Variants in CHST6 observed in about 807,000 individuals in gnomAD.
The protein encoded by CHST6 is carbohydrate sulfotransferase 6, also known as N-acetylglucosamine 6-O-sulfotransferase 5.
For synonymous variants in CHST6, 309 were observed against 276.4 expected, an observed-to-expected ratio of 1.12 and a Z score of -1.17; for missense variants, 698 against 586.2, an observed-to-expected ratio of 1.19 and a Z score of -1.97.
chr16:75,481,907 G>A lies in CHST6; in HGVS notation c.-91-16C>T. 2.1e-6 allele frequency: 1 copy of A among 468,702 alleles called. No homozygotes were observed. The highest frequency in any genetic ancestry group is 4.4e-6 in the Non-Finnish European group (1 of 229,440). 29.0% of individuals were successfully genotyped at this position (468,702 alleles called of 1,614,324 possible). ...TCCTCAGCACCTGGTAAAGCAGGAG[G>A]GCGATGGAGTCACACTCTACAGGGG... On this transcript the variant is annotated splice_polypyrimidine_tract_variant and intron_variant, in intron 1 of 2. Coordinates refer to ENST00000332272, the MANE Select transcript of CHST6 (RefSeq NM_021615.5).
At chr16:75,485,408 G>A (rs1350531004) in intron 1 of CHST6, among the ~76,000 whole-genome samples, 2 of 152,176 alleles carry the variant, frequency 1.3e-5, no homozygotes, top group African/African-American at 4.8e-5. Context: ...CAAGGTTGCA[G>A]TGAGTTATAT....
At chr16:75,494,128 A>C (rs2080285322) in intron 1 of CHST6, among the ~76,000 whole-genome samples, 1 of 152,170 alleles carries the variant, frequency 6.6e-6, no homozygotes. Flanking sequence ...TACAGGCGTG[A>C]ACCACTGCGA....
chr16:75,493,650 C>T (rs1375945986), intron 1 of CHST6, among the ~76,000 whole-genome samples: 2 of 152,032 alleles, frequency 1.3e-5, no homozygotes, highest in Non-Finnish European at 2.9e-5. Context: ...TGAGTATTTG[C>T]TTAGCAATCT....
At position 75,479,805 on chromosome 16, in the gene CHST6, G is replaced by A. The variant is rs1461106668; in HGVS notation, c.24C>T (p.Ser8=). Residue 8 remains serine, a synonymous_variant, in exon 3 of 3, where the codon AGC becomes AGT. Transcript: ENST00000332272. ...CCAGGAGGAGCGCGGTCACTGCTGT[G>A]CTGGAGACGCGCGGCAGCCACATGC... MWLPRVS[S]TAVTALLLAQ... 9.6e-6 allele frequency: 15 copies of A among 1,569,624 alleles called. No individual in the cohort carries two copies. The East Asian group carries it at 3.5e-4, about 36-fold the overall frequency.
rs2080058580 is a variant in CHST6 at position 75,475,649 on chromosome 16, C to G, written c.*2992G>C. The G allele has an allele frequency of 1.3e-5, 2 of 152,268 alleles. No homozygotes were observed. Among genetic ancestry groups the G allele is most frequent in the South Asian group, 4.1e-4 (2 of 4,826 alleles). 9.4% of individuals were successfully genotyped at this position (152,268 alleles called of 1,614,324 possible). On this transcript the variant is annotated 3_prime_UTR_variant, in exon 3 of 3. Coordinates refer to ENST00000332272, the MANE Select transcript of CHST6 (RefSeq NM_021615.5). ...CACTTTCTTTGTCCTGAAAGCTGACCTGGGTTCACTGTGAGGCTTGACTGT... is the reference window on the plus strand; with the variant it reads ...CACTTTCTTTGTCCTGAAAGCTGACGTGGGTTCACTGTGAGGCTTGACTGT...
intron 1 of CHST6, among the ~76,000 whole-genome samples, chr16:75,482,774 G>A (rs1405806361): frequency 6.6e-6 from 1 of 152,152 alleles, no homozygotes; most frequent in Admixed American, 6.5e-5. Flanking sequence ...ACTGAGAGAA[G>A]CCAGGGTCTA....
intron 1 of CHST6, among the ~76,000 whole-genome samples, chr16:75,489,780 T>C (rs1363491839): frequency 6.6e-6 from 1 of 152,000 alleles, no homozygotes; most frequent in East Asian, 1.9e-4. Context: ...AGAATAAGCA[T>C]ATTTAAGAAA....
At chr16:75,484,713 G>A (rs575711736) in intron 1 of CHST6, among the ~76,000 whole-genome samples, 1 of 152,014 alleles carries the variant, frequency 6.6e-6, no homozygotes, top group East Asian at 1.9e-4. Context: ...GTGTGGTGGT[G>A]AGTGCCTGTA....
chr16:75,485,233 A>C (rs2080183305), intron 1 of CHST6, among the ~76,000 whole-genome samples: 1 of 152,232 alleles, frequency 6.6e-6, no homozygotes, highest in East Asian at 1.9e-4. Flanking sequence ...TAAGTCACAG[A>C]AACTTTTTTT....
intron 1 of CHST6, among the ~76,000 whole-genome samples, chr16:75,491,190 A>AAAAAATATAT (rs1206595857): frequency 7.8e-4 from 39 of 50,070 alleles, no homozygotes; most frequent in Non-Finnish European, 9.3e-4. Context: ...AAAAAAAAAA[A>AAAAAATATAT]ATATATATAT....
intron 1 of CHST6, among the ~76,000 whole-genome samples, chr16:75,493,846 C>A (rs1043135726): frequency 2.6e-5 from 4 of 152,024 alleles, no homozygotes; most frequent in African/African-American, 4.8e-5. Context: ...TGGCTAGAGG[C>A]CTGGCTTGTG....
rs1258235239 is a variant in CHST6, at chr16:75,479,636, C to T, written c.193G>A (p.Asp65Asn). The change falls in exon 3 of 3, where the codon GAC becomes AAC. Residue 65 changes from aspartate to asparagine, a missense_variant. By Grantham distance (23) the Asp-to-Asn change is conservative (BLOSUM62 1). Transcript: ENST00000332272. ...GCGGGCTCCATTAGGTAGAAGACGT[C>T]GGGGTGCTGGTTGAAGAGTTGGCCC... Reference protein sequence around the residue: ...FVGQLFNQHPDVFYLMEPAWH... With the variant: ...FVGQLFNQHPNVFYLMEPAWH... 9 of 1,612,626 alleles carry T rather than the reference C, an allele frequency of 5.6e-6. No homozygotes were observed. Among genetic ancestry groups the T allele is most frequent in the Non-Finnish European group, 7.6e-6 (9 of 1,179,786 alleles).
chr16:75,474,819 A>G lies in CHST6; in HGVS notation c.*3822T>C. 2.5e-6 allele frequency: 1 copy of G among 394,450 alleles called. No individual in the cohort carries two copies. Among genetic ancestry groups the G allele is most frequent in the Admixed American group, 4.4e-5 (1 of 22,552 alleles). 24.4% of individuals were successfully genotyped at this position (394,450 alleles called of 1,614,324 possible). Reference sequence around the variant, plus strand: ...AAATAATGGTGGTTTTTTTTAAGACAGACTCTCGCTTTGTTGCCCAGGCTG... The same window carrying G: ...AAATAATGGTGGTTTTTTTTAAGACGGACTCTCGCTTTGTTGCCCAGGCTG... On this transcript the variant is annotated 3_prime_UTR_variant, in exon 3 of 3. Coordinates refer to ENST00000332272, the MANE Select transcript of CHST6 (RefSeq NM_021615.5).
rs1252639300 is a variant in CHST6 at position 75,477,118 on chromosome 16, C to CATGTAGTACACATTTATGAATGTGT, written c.*1522_*1523insACACATTCATAAATGTGTACTACAT. The CATGTAGTACACATTTATGAATGTGT allele has an allele frequency of 1.3e-5, 2 of 152,220 alleles. No individual in the cohort carries two copies. Among genetic ancestry groups the CATGTAGTACACATTTATGAATGTGT allele is most frequent in the African/African-American group, 4.8e-5 (2 of 41,450 alleles). The allele number at this position is 152,220 out of a possible 1,614,324, so 9.4% of individuals were successfully genotyped here. A position where few individuals can be genotyped will look rare whatever the true frequency, so the allele number is the denominator to read the frequency against. The stretch of plus-strand genomic sequence containing the variant: ...AAGACATTCTCTAAGCCATGTAGTA[C>CATGTAGTACACATTTATGAATGTGT]ACATTCATAAATCTGGGGTTTTAAA... On this transcript the variant is annotated 3_prime_UTR_variant, in exon 3 of 3. Coordinates refer to ENST00000332272, the MANE Select transcript of CHST6 (RefSeq NM_021615.5).
intron 1 of CHST6, among the ~76,000 whole-genome samples, chr16:75,486,402 C>G (rs1484491104): frequency 6.6e-6 from 1 of 152,226 alleles, no homozygotes; most frequent in Admixed American, 6.5e-5. Flanking sequence ...CCTGGGGAAT[C>G]ACCCTCACCC....
rs1435150985 is a variant in CHST6 at position 75,479,118 on chromosome 16, G to A, written c.711C>T (p.Pro237=). ...GTNGTWVEAD[P]GLRVVREVCR... is the part of the protein sequence containing the mutation. ...ACACCTCGCGCACCACGCGCAGGCC[G>A]GGGTCGGCCTCCACCCACGTGCCGT... Residue 237 remains proline, a synonymous_variant, in exon 3 of 3, where the codon CCC becomes CCT. Coordinates refer to ENST00000332272, the MANE Select transcript of CHST6 (RefSeq NM_021615.5). 1 of 1,605,412 alleles carries A rather than the reference G, an allele frequency of 6.2e-7. No homozygotes were observed. Among genetic ancestry groups the A allele is most frequent in the Non-Finnish European group, 8.5e-7 (1 of 1,178,688 alleles).
intron 1 of CHST6, among the ~76,000 whole-genome samples, chr16:75,489,417 A>G (rs1366650349): frequency 4.0e-5 from 6 of 151,508 alleles, no homozygotes; most frequent in Admixed American, 3.3e-4. Context: ...AAAAAAAAAA[A>G]AAGAAAAAAG....
chr16:75,481,438 A>T (rs77514698), intron 2 of CHST6, among the ~76,000 whole-genome samples: 5 of 152,086 alleles, frequency 3.3e-5, no homozygotes, highest in African/African-American at 7.2e-5. Flanking sequence ...ACCAAAAAAA[A>T]TACAAAAATT....
intron 1 of CHST6, among the ~76,000 whole-genome samples, chr16:75,489,216 T>C (rs954498279): frequency 6.6e-6 from 1 of 151,576 alleles, no homozygotes; most frequent in Non-Finnish European, 1.5e-5. Context: ...CTGGACAACA[T>C]GACGAAACCC....
Sources: allele counts gnomAD v4.1 joint callset (sites outside exome capture counted in the v4.1 genomes callset), GRCh38; gene constraint gnomAD v4.1.1; transcripts MANE v1.5; gene names NCBI Gene and HGNC (gene_info 2026-07-23, HGNC 2026-07-21).